TENM4: variants seen among roughly 807,000 people sequenced by gnomAD.
The protein encoded by TENM4 is teneurin transmembrane protein 4.
In TENM4, 82 loss-of-function variants were observed where a neutral mutation model predicts 243.3. That is an observed-to-expected ratio of 0.34 (90% CI 0.28 to 0.40). The LOEUF is 0.40. Among genes scored for constraint, TENM4 ranks in the 10% least tolerant of loss-of-function variants. The pLI, the probability that TENM4 is intolerant of heterozygous loss-of-function variation, is 1.00. For synonymous variants in TENM4, 1,412 were observed against 1,456.3 expected (o/e 0.97, Z 0.69); for missense variants, 3,138 against 3,673.3 (o/e 0.85, Z 3.77).
At chr11:79,426,404 C>T (rs1430930921) in intron 1 of TENM4, among the ~76,000 whole-genome samples, 1 of 152,180 alleles carries the variant, frequency 6.6e-6, no homozygotes, top group Non-Finnish European at 1.5e-5. Flanking sequence ...AGATGTCTAA[C>T]CTCATTGAGT....
chr11:78,859,485 A>G (rs1300743382), intron 10 of TENM4, among the ~76,000 whole-genome samples: 1 of 152,256 alleles, frequency 6.6e-6, no homozygotes, highest in Admixed American at 6.5e-5. Flanking sequence ...AATCATGTCT[A>G]TAAAAGAAAT....
intron 2 of TENM4, among the ~76,000 whole-genome samples, chr11:79,219,110 T>C (rs376238121): frequency 5.9e-5 from 9 of 152,338 alleles, no homozygotes; most frequent in African/African-American, 2.2e-4. Context: ...TGACAAATCA[T>C]GGAAGACTGC....
chr11:78,826,666 C>A (rs868121965), intron 12 of TENM4, among the ~76,000 whole-genome samples: 1 of 152,108 alleles, frequency 6.6e-6, no homozygotes, highest in Non-Finnish European at 1.5e-5. Flanking sequence ...GTAGATATTA[C>A]AAACAGGAGC....
intron 18 of TENM4, among the ~76,000 whole-genome samples, chr11:78,766,868 A>G (rs900389847): frequency 2.6e-5 from 4 of 151,946 alleles, no homozygotes; most frequent in Non-Finnish European, 5.9e-5. Flanking sequence ...AAGCCCAGCT[A>G]ATTTTTTGCA....
chr11:79,403,596 C>CCA (rs1173891854), intron 1 of TENM4, among the ~76,000 whole-genome samples: 1 of 152,170 alleles, frequency 6.6e-6, no homozygotes, highest in Non-Finnish European at 1.5e-5. Flanking sequence ...CAATGCTGTT[C>CCA]CACTGTCATG....
intron 30 of TENM4, among the ~76,000 whole-genome samples, chr11:78,674,122 A>G (rs1362341553): frequency 1.3e-5 from 2 of 152,128 alleles, no homozygotes; most frequent in African/African-American, 4.8e-5. Context: ...TCCCTGGAGG[A>G]TCTCTAGTGA....
intron 12 of TENM4, among the ~76,000 whole-genome samples, chr11:78,839,557 T>TC (rs893310383): frequency 1.3e-5 from 2 of 152,130 alleles, no homozygotes; most frequent in Non-Finnish European, 1.5e-5. Context: ...GTTTTTTTTT[T>TC]CTCTAGGAAT....
chr11:79,021,968 G>A (rs1858941854), intron 6 of TENM4, among the ~76,000 whole-genome samples: 1 of 152,180 alleles, frequency 6.6e-6, no homozygotes. Flanking sequence ...TGTGGCATGA[G>A]GGTGGCAGAG....
rs182583355 is a variant in TENM4 at position 79,139,802 on chromosome 11, T to C, written c.-66+8908A>G. 1.2e-3 allele frequency among the ~76,000 whole-genome samples: 133 copies of C among 114,150 alleles called. 3 individuals carry two copies. Among genetic ancestry groups the C allele is most frequent in the East Asian group, 5.3e-3 (21 of 3,968 alleles). 74.9% of individuals were successfully genotyped at this position (114,150 alleles called of 152,430 possible). On this transcript the variant is annotated intron_variant, in intron 4 of 33. Coordinates refer to ENST00000278550, the MANE Select transcript of TENM4 (RefSeq NM_001098816.3). ...AATATATATTATATTTATATAAATA[T>C]ATAATATATATTTTATATTTATATA...
chr11:79,138,823 A>G (rs1862179779), intron 4 of TENM4, among the ~76,000 whole-genome samples: 1 of 119,734 alleles, frequency 8.4e-6, no homozygotes, highest in South Asian at 2.4e-4. Context: ...TTATATAAAT[A>G]TACAAAACAT....
rs1015530763 is a variant in TENM4 at position 78,658,400 on chromosome 11, A to T, written c.7968T>A (p.Leu2656=). Residue 2656 remains leucine, a synonymous_variant, in exon 34 of 34, where the codon CTT becomes CTA. Coordinates refer to ENST00000278550, the MANE Select transcript of TENM4 (RefSeq NM_001098816.3). The part of the protein sequence containing the change: ...NVTVSQINTV[L]NGRTRRYTDI... ...CTGTGTAGCGTCTAGTCCTGCCATT[A>T]AGTACTGTGTTGATCTGGGACACAG... The T allele has an allele frequency of 1.3e-5, 21 of 1,613,890 alleles. No homozygotes were observed. In the African/African-American group the frequency reaches 2.3e-4, roughly 17 times the overall value.
intron 12 of TENM4, among the ~76,000 whole-genome samples, chr11:78,824,876 T>C (rs1214622323): frequency 6.6e-6 from 1 of 152,190 alleles, no homozygotes; most frequent in Non-Finnish European, 1.5e-5. Flanking sequence ...CTTTTGCCTG[T>C]AGATTAGTCA....
At chr11:78,953,600 T>G (rs1379699289) in intron 6 of TENM4, among the ~76,000 whole-genome samples, 1 of 151,834 alleles carries the variant, frequency 6.6e-6, no homozygotes, top group Non-Finnish European at 1.5e-5. Flanking sequence ...TCAAAAATAG[T>G]CAGAAAAAAA....
intron 1 of TENM4, among the ~76,000 whole-genome samples, chr11:79,377,173 C>A (rs1017667453): frequency 6.6e-6 from 1 of 152,188 alleles, no homozygotes; most frequent in Non-Finnish European, 1.5e-5. Context: ...CTGGAAGAGG[C>A]AGAAACAGAT....
intron 6 of TENM4, among the ~76,000 whole-genome samples, chr11:78,964,941 C>A (rs772442914): frequency 1.7e-4 from 26 of 152,076 alleles, no homozygotes; most frequent in African/African-American, 6.3e-4. Flanking sequence ...GATCTTGGCT[C>A]ACTGCAACCT....
intron 6 of TENM4, among the ~76,000 whole-genome samples, chr11:78,956,496 G>C (rs560322896): frequency 6.6e-6 from 1 of 152,180 alleles, no homozygotes; most frequent in African/African-American, 2.4e-5. Flanking sequence ...ATAGCAGAGC[G>C]GCTAGGCCTT....
At chr11:79,390,521 A>G (rs1437736613) in intron 1 of TENM4, among the ~76,000 whole-genome samples, 2 of 152,222 alleles carry the variant, frequency 1.3e-5, no homozygotes, top group African/African-American at 4.8e-5. Flanking sequence ...CAGGGCAGGT[A>G]CTGCTATCCT....
intron 12 of TENM4, among the ~76,000 whole-genome samples, chr11:78,817,649 A>C (rs1248004799): frequency 2.0e-5 from 3 of 152,254 alleles, no homozygotes; most frequent in African/African-American, 7.2e-5. Context: ...AATTTTGAGT[A>C]AAGTCTAAGG....
At chr11:78,813,945 C>T (rs1241692118) in intron 13 of TENM4, among the ~76,000 whole-genome samples, 12 of 152,138 alleles carry the variant, frequency 7.9e-5, no homozygotes, top group African/African-American at 1.2e-4. Context: ...CAAAGATGCA[C>T]GGCCAGGGAC....
Sources: allele counts gnomAD v4.1 joint callset (sites outside exome capture counted in the v4.1 genomes callset), GRCh38; gene constraint gnomAD v4.1.1; transcripts MANE v1.5; gene names NCBI Gene and HGNC (gene_info 2026-07-23, HGNC 2026-07-21).